The following PRRC2B variants were observed in gnomAD, a reference collection of about 807,000 sequenced individuals.
PRRC2B encodes the protein proline rich coiled-coil 2B.
A neutral mutation model predicts 242.3 loss-of-function variants in PRRC2B; 68 were observed. The observed-to-expected ratio is 0.28, with a 90% confidence interval of 0.23 to 0.34. The LOEUF (loss-of-function observed/expected upper bound fraction) is 0.34. PRRC2B is among the 10% of genes least tolerant of loss of function. The pLI, the probability that PRRC2B is intolerant of heterozygous loss-of-function variation, is 1.00. For missense variants in PRRC2B, 2,835 were observed against 2,954.8 expected, an observed-to-expected ratio of 0.96 and a Z score of 0.94; for synonymous variants, 1,228 against 1,173.6, an observed-to-expected ratio of 1.05 and a Z score of -0.95.
chr9:131,480,236 C>T (rs938176451), intron 19 of PRRC2B, among the ~76,000 whole-genome samples: 1 of 152,208 alleles, frequency 6.6e-6, no homozygotes, highest in African/African-American at 2.4e-5. Flanking sequence ...AGTTCTGGGC[C>T]TTGATTCTTT....
chr9:131,473,461 AG>A, intron 14 of PRRC2B, 46 bp from the exon 15 acceptor site: 1 of 1,435,244 alleles, frequency 7.0e-7, no homozygotes, highest in Non-Finnish European at 9.5e-7. Flanking sequence ...AGATTGGAGC[AG>A]GGCTTTCTAA....
At chr9:131,420,499 T>TCTTTCTTTCTTTCTTTCTTTCTTTCC (rs889470295) in intron 1 of PRRC2B, among the ~76,000 whole-genome samples, 1 of 84,494 alleles carries the variant, frequency 1.2e-5, no homozygotes, top group Non-Finnish European at 2.5e-5. Context: ...CTTTCTTTTT[T>TCTTTCTTTCTTTCTTTCTTTCTTTCC]TTTTTTTTTT....
intron 1 of PRRC2B, among the ~76,000 whole-genome samples, chr9:131,402,132 T>C (rs1309587144): frequency 6.6e-6 from 1 of 152,018 alleles, no homozygotes; most frequent in African/African-American, 2.4e-5. Context: ...ATTTTTGTAT[T>C]TTTAGGAGAA....
chr9:131,450,697 C>T lies in PRRC2B; in HGVS notation c.1120+2893C>T, dbSNP rs138939396. Reference sequence around the variant, plus strand: ...CTGCTTCCTGGGTTCAAGTGATTCTCATGTCTCAGCCTTCCAAGTAGCTGG... The same window carrying T: ...CTGCTTCCTGGGTTCAAGTGATTCTTATGTCTCAGCCTTCCAAGTAGCTGG... On this transcript the variant is annotated intron_variant, in intron 9 of 31. Coordinates refer to ENST00000683519, the MANE Select transcript of PRRC2B (RefSeq NM_013318.4). Among the ~76,000 whole-genome samples the T allele has an allele frequency of 2.1e-3, 321 of 152,130 alleles. 2 individuals are homozygous for T. The highest frequency in any genetic ancestry group is 7.3e-3 in the African/African-American group (304 of 41,496).
At chr9:131,486,308 C>G in intron 26 of PRRC2B, 126 bp downstream of exon 26, 1 of 839,964 alleles carries the variant, frequency 1.2e-6, no homozygotes. Context: ...ATGTGGTGAC[C>G]AGCACCTGGC....
intron 6 of PRRC2B, among the ~76,000 whole-genome samples, chr9:131,445,405 T>C (rs2994063): frequency 0.95 from 144,352 of 152,224 alleles, 68,695 homozygotes; most frequent in South Asian, 1. Context: ...GTGATCCGCC[T>C]GTCTCAGCCT....
chr9:131,387,770 G>C (rs1001515421), intron 1 of PRRC2B, among the ~76,000 whole-genome samples: 3 of 150,336 alleles, frequency 2.0e-5, no homozygotes, highest in Non-Finnish European at 4.4e-5. Context: ...GTGCTATAAA[G>C]TATAAAATAC....
At chr9:131,437,915 ACCACTGGGG>A (rs1459008304) in intron 4 of PRRC2B, among the ~76,000 whole-genome samples, 1 of 152,132 alleles carries the variant, frequency 6.6e-6, no homozygotes, top group Non-Finnish European at 1.5e-5. Context: ...CTCAGACCCC[ACCACTGGGG>A]CCTGTGGGTG....
intron 6 of PRRC2B, among the ~76,000 whole-genome samples, chr9:131,445,165 C>CT (rs796163764): frequency 0.014 from 2,057 of 145,878 alleles, 24 homozygotes; most frequent in African/African-American, 0.015. Context: ...TATTTTGCTG[C>CT]TTTTTTTTTT....
chr9:131,499,367 T>C lies in PRRC2B; in HGVS notation c.*3493T>C, dbSNP rs1359088189. 1.3e-5 allele frequency: 2 copies of C among 152,224 alleles called. No homozygotes were observed. The highest frequency in any genetic ancestry group is 3.8e-4 in the East Asian group (2 of 5,198). 9.4% of individuals were successfully genotyped at this position (152,224 alleles called of 1,614,324 possible). On this transcript the variant is annotated 3_prime_UTR_variant, in exon 32 of 32. Transcript: ENST00000683519. The stretch of plus-strand genomic sequence containing the variant: ...AAGTAGCTGCAGGCTGCCCCTCAAA[T>C]CTTCATTTGTCCCTTTTCACTTCCT...
In PRRC2B at chr9:131,487,130, T is replaced by C. The variant is rs746352121; in HGVS notation, c.5857-37T>C. ...GGGGAAGAACCACCTGGATGGGCCTTGCGGTTACCTCCCCGACCCCGTTTT... is the reference window on the plus strand; with the variant it reads ...GGGGAAGAACCACCTGGATGGGCCTCGCGGTTACCTCCCCGACCCCGTTTT... On this transcript the variant is annotated intron_variant, in intron 26 of 31. Transcript: ENST00000683519. This position sits in a 1 kb window ranked among gnomAD's most constrained non-coding sequence, Gnocchi z 5.3. 6.2e-7 allele frequency: 1 copy of C among 1,607,114 alleles called. No individual in the cohort carries two copies. Among genetic ancestry groups the C allele is most frequent in the South Asian group, 1.1e-5 (1 of 90,598 alleles).
At chr9:131,403,604 C>T (rs947766392) in intron 1 of PRRC2B, among the ~76,000 whole-genome samples, 3 of 150,958 alleles carry the variant, frequency 2.0e-5, no homozygotes, top group Non-Finnish European at 4.4e-5. Flanking sequence ...ATCTGTCCAC[C>T]TCAGCCTCCC....
intron 1 of PRRC2B, among the ~76,000 whole-genome samples, chr9:131,399,898 A>G (rs566981900): frequency 2.0e-5 from 3 of 152,094 alleles, no homozygotes; most frequent in Non-Finnish European, 2.9e-5. Flanking sequence ...TTTCCCTCCT[A>G]TAAGAGAAAC....
At position 131,476,079 on chromosome 9, in the gene PRRC2B, G is replaced by A. The variant is rs1029284894; in HGVS notation, c.3950G>A (p.Arg1317Gln). The change falls in exon 16 of 32, where the codon CGG becomes CAG. Residue 1317 changes from arginine (R) to glutamine (Q), a missense_variant. Arg to Gln is a conservative substitution (Grantham distance 43). Around this residue, in one of 7 missense-constraint regions of PRRC2B, gnomAD observed 1,536 missense variants for 1,483.1 expected, o/e 1.04. Coordinates refer to ENST00000683519, the MANE Select transcript of PRRC2B (RefSeq NM_013318.4). ...AAGCCCCCTCGATTCCGGCGCCTCC[G>A]GCAAGAGCGGGAGTCCCTGGGCCTG... The part of the protein sequence containing the change: ...QDKPPRFRRL[R>Q]QERESLGLWG... 14 of 1,607,456 alleles carry A rather than the reference G, an allele frequency of 8.7e-6. No individual in the cohort carries two copies. The highest frequency in any genetic ancestry group is 4.5e-5 in the East Asian group (2 of 44,726).
At chr9:131,447,934 A>C in intron 9 of PRRC2B, 130 bp downstream of exon 9, 4 of 924,808 alleles carry the variant, frequency 4.3e-6, no homozygotes, top group Non-Finnish European at 6.1e-6. Context: ...CCGGACAGGG[A>C]AGCAGACCTG....
chr9:131,494,566 A>C lies in PRRC2B; in HGVS notation c.6555+80A>C, dbSNP rs1258607881. 2 of 774,026 alleles carry C rather than the reference A, an allele frequency of 2.6e-6. No homozygotes were observed. The highest frequency in any genetic ancestry group is 3.6e-5 in the African/African-American group (2 of 56,224). 47.9% of individuals were successfully genotyped at this position (774,026 alleles called of 1,614,324 possible). A position where few individuals can be genotyped will look rare whatever the true frequency, so the allele number is the denominator to read the frequency against. Reference sequence around the variant, plus strand: ...GCGCCAAAAGAGAAGGGACTGTCCAACCTATCTGAGCGCCCCCTGTCTAAA... The same window carrying C: ...GCGCCAAAAGAGAAGGGACTGTCCACCCTATCTGAGCGCCCCCTGTCTAAA... On this transcript the variant is annotated intron_variant, in intron 31 of 31. Transcript: ENST00000683519. This position sits in a 1 kb window ranked among gnomAD's most constrained non-coding sequence, Gnocchi z 4.3.
Position 131,499,898 on chromosome 9 carries a change from T to G in PRRC2B, c.*4024T>G, listed in dbSNP as rs1944421290. ...TCCTGAGAGGGTTGTGTTTTGTTTT[T>G]GTTTCCTTTTGTTTATGTTTTGGCC... On this transcript the variant is annotated 3_prime_UTR_variant, in exon 32 of 32. Transcript: ENST00000683519. 1 of 152,292 alleles carries G rather than the reference T, an allele frequency of 6.6e-6. No homozygotes were observed. Among genetic ancestry groups the G allele is most frequent in the South Asian group, 2.1e-4 (1 of 4,836 alleles). 9.4% of individuals were successfully genotyped at this position (152,292 alleles called of 1,614,324 possible).
Position 131,482,397 on chromosome 9 carries a change from T to C in PRRC2B, c.5010T>C (p.Asp1670=). 2 of 1,593,192 alleles carry C rather than the reference T, an allele frequency of 1.3e-6. No homozygotes were observed. The highest frequency in any genetic ancestry group is 2.2e-5 in the South Asian group (2 of 90,214). Residue 1670 remains aspartate, a synonymous_variant, in exon 21 of 32, where the codon GAT becomes GAC. Coordinates refer to ENST00000683519, the MANE Select transcript of PRRC2B (RefSeq NM_013318.4). The surrounding 1 kb of genome is among the most constrained non-coding windows in gnomAD (Gnocchi z 5.2). The part of the protein sequence containing the change: ...AEQGFKSSQG[D]SGVDLSAESR... ...AGGGTTTTAAGAGCAGCCAGGGAGA[T>C]AGTGGCGTTGACTTGAGTGCCGAGT... is the stretch of plus-strand genomic sequence containing the variant.
intron 3 of PRRC2B, among the ~76,000 whole-genome samples, chr9:131,435,107 GAC>G (rs1206785185): frequency 2.6e-5 from 4 of 151,880 alleles, no homozygotes; most frequent in Non-Finnish European, 5.9e-5. Flanking sequence ...AGACCAGCCT[GAC>G]CAACATGGCG....
Sources: allele counts gnomAD v4.1 joint callset (sites outside exome capture counted in the v4.1 genomes callset), GRCh38; gene constraint gnomAD v4.1.1; regional missense constraint gnomAD v4.1.1; non-coding constraint Gnocchi (gnomAD v3.1); transcripts MANE v1.5; gene names NCBI Gene and HGNC (gene_info 2026-07-23, HGNC 2026-07-21).